The following KCNJ6 variants were observed in gnomAD, a reference collection of about 807,000 sequenced individuals.
The protein encoded by KCNJ6 is G protein-activated inward rectifier potassium channel 2.
A neutral mutation model predicts 34.2 loss-of-function variants in KCNJ6; 9 were observed. That is an observed-to-expected ratio of 0.26 (90% confidence interval 0.16 to 0.46). The LOEUF is 0.46. Ranked by LOEUF, KCNJ6 falls within the 20% of genes least tolerant of loss-of-function variation. The probability of loss-of-function intolerance (pLI) is 1.00; values close to 1 mark genes in which losing one functional copy is unlikely to be tolerated. For synonymous variants in KCNJ6, 196 were observed against 207.1 expected (o/e 0.95, Z 0.46); for missense variants, 236 against 531.3 (o/e 0.44, Z 5.46).
chr21:37,617,029 TTTC>T lies in KCNJ6; in HGVS notation c.*8127_*8129del, dbSNP rs2054271569. ...TCTTTTCTCTTTCTTTCTTTCTTTC[TTTC>T]TTTCTTTCTTTCTTTCTTTCTTTTC... On this transcript the variant is annotated 3_prime_UTR_variant, in exon 4 of 4. Transcript: ENST00000609713. 1 of 13,578 alleles carries T rather than the reference TTTC, an allele frequency of 7.4e-5. No homozygotes were observed. Among genetic ancestry groups the T allele is most frequent in the Non-Finnish European group, 1.5e-4 (1 of 6,868 alleles). The allele number at this position is 13,578 out of a possible 1,614,324, so 0.8% of individuals were successfully genotyped here.
chr21:37,681,768 G>A (rs1399590), intron 3 of KCNJ6, among the ~76,000 whole-genome samples: 76,189 of 135,056 alleles, frequency 0.56, 19,118 homozygotes, highest in Admixed American at 0.59. Context: ...GAAAGAGAGC[G>A]GGAGAGAGGA....
chr21:37,864,311 G>A (rs1371498303), intron 1 of KCNJ6, among the ~76,000 whole-genome samples: 2 of 151,982 alleles, frequency 1.3e-5, no homozygotes, highest in Admixed American at 6.6e-5. Context: ...GAGGTTTCAC[G>A]TGTTGGCCAG....
intron 3 of KCNJ6, among the ~76,000 whole-genome samples, chr21:37,677,251 A>G (rs2054568972): frequency 6.6e-6 from 1 of 152,086 alleles, no homozygotes; most frequent in Admixed American, 6.5e-5. Context: ...AGCCTGGGAG[A>G]TGGCTTTTCC....
At chr21:37,642,412 G>C (rs931206220) in intron 3 of KCNJ6, among the ~76,000 whole-genome samples, 1 of 152,168 alleles carries the variant, frequency 6.6e-6, no homozygotes, top group African/African-American at 2.4e-5. Flanking sequence ...ATTTCAGGAA[G>C]AGCAAGTGGT....
intron 2 of KCNJ6, among the ~76,000 whole-genome samples, chr21:37,826,622 A>C (rs959965512): frequency 2.5e-4 from 37 of 150,496 alleles, no homozygotes; most frequent in East Asian, 9.8e-4. Flanking sequence ...AAAAAAAAAA[A>C]CAGATTTTTA....
intron 3 of KCNJ6, among the ~76,000 whole-genome samples, chr21:37,683,973 A>G (rs59163647): frequency 0.095 from 14,413 of 152,264 alleles, 1,637 homozygotes; most frequent in African/African-American, 0.27. Context: ...CCTGCCCTAA[A>G]CAGAGGAAAG....
intron 3 of KCNJ6, among the ~76,000 whole-genome samples, chr21:37,713,840 C>T (rs1002210094): frequency 2.6e-5 from 4 of 152,116 alleles, no homozygotes; most frequent in Admixed American, 6.5e-5. Flanking sequence ...GCTTAACTTC[C>T]TCCTTCTAAC....
At chr21:37,870,998 T>G (rs2123612863) in intron 1 of KCNJ6, among the ~76,000 whole-genome samples, 1 of 152,324 alleles carries the variant, frequency 6.6e-6, no homozygotes, top group African/African-American at 2.4e-5. Context: ...AGATTTTTTT[T>G]GGCCACAATC....
intron 3 of KCNJ6, among the ~76,000 whole-genome samples, chr21:37,700,491 A>G (rs1488008207): frequency 3.9e-5 from 6 of 152,172 alleles, no homozygotes; most frequent in African/African-American, 1.2e-4. Context: ...GCTATTGAGA[A>G]TCTCTGAACC....
chr21:37,884,880 C>T (rs577790931), intron 1 of KCNJ6, among the ~76,000 whole-genome samples: 2 of 152,184 alleles, frequency 1.3e-5, no homozygotes, highest in Admixed American at 6.5e-5. Context: ...TAATGGAGGG[C>T]ATTAATTATA....
intron 2 of KCNJ6, among the ~76,000 whole-genome samples, chr21:37,722,416 T>G (rs1367250717): frequency 6.6e-6 from 1 of 152,218 alleles, no homozygotes; most frequent in African/African-American, 2.4e-5. Context: ...CCAATGTCAT[T>G]TTTCACAGAT....
rs1463109944 is a variant in KCNJ6 at position 37,620,689 on chromosome 21, C to T, written c.*4470G>A. 1.3e-5 allele frequency: 2 copies of T among 152,052 alleles called. No individual in the cohort carries two copies. Among genetic ancestry groups the T allele is most frequent in the Non-Finnish European group, 2.9e-5 (2 of 68,008 alleles). 9.4% of individuals were successfully genotyped at this position (152,052 alleles called of 1,614,324 possible). A position where few individuals can be genotyped will look rare whatever the true frequency, so the allele number is the denominator to read the frequency against. ...CCAATTTGCCCAAACCCTAGTTTTC[C>T]CTCTATAAAATGTAAATTATAATAC... On this transcript the variant is annotated 3_prime_UTR_variant, in exon 4 of 4. Coordinates refer to ENST00000609713, the MANE Select transcript of KCNJ6 (RefSeq NM_002240.5).
At chr21:37,632,927 G>GA (rs1361609936) in intron 3 of KCNJ6, among the ~76,000 whole-genome samples, 1 of 151,974 alleles carries the variant, frequency 6.6e-6, no homozygotes, top group African/African-American at 2.4e-5. Context: ...AAGAAATCAT[G>GA]ATAATTTTAC....
intron 1 of KCNJ6, among the ~76,000 whole-genome samples, chr21:37,897,057 C>T (rs1303764076): frequency 6.6e-6 from 1 of 152,182 alleles, no homozygotes; most frequent in Non-Finnish European, 1.5e-5. Context: ...CTGAGCTTTG[C>T]CTGTAGGAAC....
chr21:37,909,968 T>G (rs557313342), intron 1 of KCNJ6, among the ~76,000 whole-genome samples: 2 of 152,296 alleles, frequency 1.3e-5, no homozygotes, highest in East Asian at 3.9e-4. Flanking sequence ...AATTGTCCGG[T>G]CAATGGAATG....
At chr21:37,840,788 A>G in intron 1 of KCNJ6, 79 bp from the exon 2 acceptor site, 1 of 749,836 alleles carries the variant, frequency 1.3e-6, no homozygotes, top group East Asian at 2.7e-5. Context: ...TTACAGCTAT[A>G]TCTCTCTTCC....
intron 1 of KCNJ6, among the ~76,000 whole-genome samples, chr21:37,882,518 C>T (rs899814349): frequency 2.0e-5 from 3 of 152,182 alleles, no homozygotes; most frequent in Admixed American, 6.5e-5. Context: ...ACCAGCCCTT[C>T]GCCCCCAGCC....
chr21:37,627,976 A>C (rs1261323521), intron 3 of KCNJ6, among the ~76,000 whole-genome samples: 1 of 152,236 alleles, frequency 6.6e-6, no homozygotes, highest in East Asian at 1.9e-4. Flanking sequence ...CCATATACAC[A>C]AAAAGTACAG....
intron 3 of KCNJ6, among the ~76,000 whole-genome samples, chr21:37,690,789 T>TA (rs1215178226): frequency 6.6e-6 from 1 of 151,382 alleles, no homozygotes; most frequent in Non-Finnish European, 1.5e-5. Flanking sequence ...TTCTTTTTTT[T>TA]TTTTTTTTGA....
Sources: gnomAD v4.1 joint callset for allele counts (sites outside exome capture counted in the v4.1 genomes callset) on GRCh38, gnomAD v4.1.1 for gene constraint, MANE v1.5 for transcripts, NCBI Gene and HGNC (gene_info 2026-07-23, HGNC 2026-07-21) for gene names.